The following GRAMD2B variants were observed in gnomAD, a reference collection of about 807,000 sequenced individuals.
The protein encoded by GRAMD2B is GRAM domain-containing protein 2B.
In GRAMD2B, 41 loss-of-function variants were observed where a neutral mutation model predicts 59.2. The observed-to-expected ratio is 0.69, with a 90% CI of 0.54 to 0.90. The LOEUF (loss-of-function observed/expected upper bound fraction) is 0.90. Among genes scored for constraint, GRAMD2B ranks in the 40% least tolerant of loss-of-function variants. The probability of loss-of-function intolerance (pLI) is 0.00; values close to 1 mark genes in which losing one functional copy is unlikely to be tolerated. For synonymous variants in GRAMD2B, 161 were observed against 182.7 expected (o/e 0.88, Z 0.96); for missense variants, 424 against 500.5 (o/e 0.85, Z 1.46).
chr5:126,478,567 C>A (rs1260052068), intron 6 of GRAMD2B, among the ~76,000 whole-genome samples: 2 of 152,092 alleles, frequency 1.3e-5, no homozygotes, highest in African/African-American at 4.8e-5. Flanking sequence ...ATGGTGAAAC[C>A]CTCTGTCTTC....
chr5:126,489,403 C>T (rs1012693610), intron 13 of GRAMD2B, among the ~76,000 whole-genome samples: 6 of 152,296 alleles, frequency 3.9e-5, no homozygotes, highest in African/African-American at 1.4e-4. Context: ...GAAGGTGACA[C>T]ACCTAGAAAG....
intron 1 of GRAMD2B, among the ~76,000 whole-genome samples, chr5:126,391,966 T>C (rs1454409283): frequency 8.5e-5 from 13 of 152,250 alleles, no homozygotes; most frequent in Admixed American, 7.8e-4. Flanking sequence ...AAAAGGCATT[T>C]CTTTCTTGGA....
At chr5:126,378,346 C>CA (rs1755379883) in intron 1 of GRAMD2B, among the ~76,000 whole-genome samples, 3 of 152,270 alleles carry the variant, frequency 2.0e-5, no homozygotes, top group African/African-American at 7.2e-5. Context: ...TAGAATATGT[C>CA]AGACAGTTAG....
chr5:126,418,953 C>A (rs59282260), upstream of GRAMD2B, among the ~76,000 whole-genome samples: 1,598 of 152,264 alleles, frequency 0.01, 22 homozygotes, highest in African/African-American at 0.036. Context: ...TATCACAGAG[C>A]TTCCAGGTTT....
intron 1 of GRAMD2B, among the ~76,000 whole-genome samples, chr5:126,450,750 C>T (rs1561541557): frequency 6.6e-6 from 1 of 152,010 alleles, no homozygotes; most frequent in Non-Finnish European, 1.5e-5. Context: ...GCTCGGGCTG[C>T]CACTCCATAG....
chr5:126,487,516 T>C (rs950434424), intron 12 of GRAMD2B, among the ~76,000 whole-genome samples: 2 of 152,196 alleles, frequency 1.3e-5, no homozygotes, highest in Admixed American at 1.3e-4. Context: ...GACATAGAGC[T>C]CTTTTCTTTA....
In GRAMD2B at chr5:126,432,808, G is replaced by A. The variant is rs374531166; in HGVS notation, c.83+9119G>A. Among the ~76,000 whole-genome samples the A allele has an allele frequency of 9.2e-5, 14 of 152,256 alleles. No homozygotes were observed. The East Asian group carries it at 1.7e-3, about 19-fold the overall frequency. On this transcript the variant is annotated intron_variant, in intron 1 of 13. Transcript: ENST00000285689. Reference sequence around the variant, plus strand: ...CTTAGGTATGTTCTCGATTTGATCAGGATCTTTTCTGAAAATTTTAGAAAG... The same window carrying A: ...CTTAGGTATGTTCTCGATTTGATCAAGATCTTTTCTGAAAATTTTAGAAAG...
chr5:126,466,124 G>A (rs1049320845), intron 2 of GRAMD2B, among the ~76,000 whole-genome samples: 10 of 152,164 alleles, frequency 6.6e-5, no homozygotes, highest in African/African-American at 7.2e-5. Flanking sequence ...AAAAGATAGC[G>A]GTTAAACCAA....
At chr5:126,366,767 C>T (rs1754454547), upstream of GRAMD2B, among the ~76,000 whole-genome samples, 1 of 151,800 alleles carries the variant, frequency 6.6e-6, no homozygotes, top group African/African-American at 2.4e-5. Flanking sequence ...CACCCACACA[C>T]CGGTTTTCCA....
chr5:126,398,050 G>T (rs1364576683), intron 1 of GRAMD2B, among the ~76,000 whole-genome samples: 2 of 125,790 alleles, frequency 1.6e-5, no homozygotes, highest in African/African-American at 3.1e-5. Flanking sequence ...TTGAGATGGG[G>T]TCTTGCTCTG....
intron 1 of GRAMD2B, among the ~76,000 whole-genome samples, chr5:126,406,665 G>T (rs539198527): frequency 6.6e-6 from 1 of 151,974 alleles, no homozygotes; most frequent in Admixed American, 6.6e-5. Flanking sequence ...CTTATTGGAG[G>T]TTTAGTAACC....
At chr5:126,437,146 G>A (rs10077251) in intron 1 of GRAMD2B, among the ~76,000 whole-genome samples, 12,472 of 152,200 alleles carry the variant, frequency 0.082, 726 homozygotes, top group Non-Finnish European at 0.11. Flanking sequence ...GAGTTTTTTC[G>A]AGATATTGCT....
At chr5:126,414,357 T>A (rs1034765087) in intron 1 of GRAMD2B, among the ~76,000 whole-genome samples, 2 of 152,190 alleles carry the variant, frequency 1.3e-5, no homozygotes, top group Non-Finnish European at 2.9e-5. Flanking sequence ...TAAAGATAAC[T>A]CTTTAATTTG....
chr5:126,371,276 C>A, upstream of GRAMD2B: 1 of 1,100,886 alleles, frequency 9.1e-7, no homozygotes, highest in Non-Finnish European at 1.1e-6. Flanking sequence ...TAATCATTAA[C>A]TGACTTTTAA....
At chr5:126,468,414 T>C (rs540696711) in intron 2 of GRAMD2B, among the ~76,000 whole-genome samples, 1 of 152,340 alleles carries the variant, frequency 6.6e-6, no homozygotes, top group South Asian at 2.1e-4. Context: ...CAATTCTTGC[T>C]TATCCTGTTA....
chr5:126,379,106 C>A (rs1382125276), intron 1 of GRAMD2B, among the ~76,000 whole-genome samples: 2 of 151,738 alleles, frequency 1.3e-5, no homozygotes, highest in African/African-American at 4.8e-5. Context: ...CATTCTTAAG[C>A]CTTTGTGTCC....
At position 126,469,169 on chromosome 5, in the gene GRAMD2B, A is replaced by G. The variant is rs577662034; in HGVS notation, c.204-508A>G. On this transcript the variant is annotated intron_variant, in intron 2 of 13. Transcript: ENST00000285689. ...GTTATTTCACCCTCTGTAAGTTACT[A>G]TTTCTACAGTTTTTGATTACAGCCT... Among the ~76,000 whole-genome samples the G allele has an allele frequency of 7.2e-5, 11 of 152,264 alleles. No individual in the cohort carries two copies. The South Asian group carries it at 2.1e-3, about 29-fold the overall frequency.
intron 1 of GRAMD2B, among the ~76,000 whole-genome samples, chr5:126,390,538 G>T (rs904754491): frequency 1.3e-5 from 2 of 152,178 alleles, no homozygotes; most frequent in Non-Finnish European, 2.9e-5. Context: ...GAATATCATT[G>T]TTTATTGCTG....
chr5:126,474,284 CTTAT>C (rs1218273266), intron 5 of GRAMD2B, among the ~76,000 whole-genome samples: 2 of 152,160 alleles, frequency 1.3e-5, no homozygotes, highest in African/African-American at 4.8e-5. Context: ...GTAGATGTGC[CTTAT>C]TTAAATATTC....
Sources: gnomAD v4.1 joint callset for allele counts (sites outside exome capture counted in the v4.1 genomes callset) on GRCh38, gnomAD v4.1.1 for gene constraint, MANE v1.5 for transcripts, NCBI Gene and HGNC (gene_info 2026-07-23, HGNC 2026-07-21) for gene names.